LGR6: variants seen among roughly 807,000 people sequenced by gnomAD.
LGR6 encodes the protein leucine-rich repeat-containing G protein-coupled receptor 6.
A neutral mutation model predicts 69.4 loss-of-function variants in LGR6; 45 were observed. The ratio of observed to expected loss-of-function variants is 0.65; its 90% CI spans 0.51 to 0.83. The LOEUF is 0.83. Among genes scored for constraint, LGR6 ranks in the 40% least tolerant of loss-of-function variants. LGR6 has a pLI of 0.00. For missense variants in LGR6, 1,108 were observed against 1,246.7 expected, an observed-to-expected ratio of 0.89 and a Z score of 1.68; for synonymous variants, 538 against 555.0, an observed-to-expected ratio of 0.97 and a Z score of 0.43.
Position 202,317,905 on chromosome 1 carries a change from G to A in LGR6, c.1649-47G>A, listed in dbSNP as rs768606273. 1.3e-5 allele frequency: 20 copies of A among 1,529,142 alleles called. 1 individual carries two copies. In the South Asian group the frequency reaches 2.4e-4, roughly 18 times the overall value. The allele number at this position is 1,529,142 out of a possible 1,614,324, so 94.7% of individuals were successfully genotyped here. A position where few individuals can be genotyped will look rare whatever the true frequency, so the allele number is the denominator to read the frequency against. The stretch of plus-strand genomic sequence containing the variant: ...GGCTGACCTTGGTCCTGAAGACCTG[G>A]TCCCACCATCCTCTGGCCCAGGGTT... On this transcript the variant is annotated intron_variant, in intron 17 of 17. Coordinates refer to ENST00000367278, the MANE Select transcript of LGR6 (RefSeq NM_001017403.2).
chr1:202,242,274 C>G (rs1387330139), intron 4 of LGR6, among the ~76,000 whole-genome samples: 1 of 152,188 alleles, frequency 6.6e-6, no homozygotes, highest in African/African-American at 2.4e-5. Flanking sequence ...TGTAACAGAG[C>G]TGGGACTTTA....
At chr1:202,294,202 G>A (rs182537499) in intron 6 of LGR6, among the ~76,000 whole-genome samples, 8 of 152,278 alleles carry the variant, frequency 5.3e-5, no homozygotes, top group Admixed American at 3.9e-4. Context: ...CCTGCTATGC[G>A]CCAGGATTGT....
chr1:202,312,446 T>C (rs1653817551), intron 16 of LGR6, among the ~76,000 whole-genome samples: 1 of 152,214 alleles, frequency 6.6e-6, no homozygotes, highest in Admixed American at 6.5e-5. Flanking sequence ...CGACCTGCCC[T>C]GATGGTGTCT....
At chr1:202,232,481 C>A (rs1029764026) in intron 3 of LGR6, among the ~76,000 whole-genome samples, 1 of 152,068 alleles carries the variant, frequency 6.6e-6, no homozygotes, top group South Asian at 2.1e-4. Flanking sequence ...AGACTTTGCC[C>A]CAGAGATTTA....
chr1:202,273,363 C>T (rs1665264675), intron 4 of LGR6, among the ~76,000 whole-genome samples: 1 of 152,088 alleles, frequency 6.6e-6, no homozygotes, highest in Admixed American at 6.5e-5. Context: ...AAGGCAGTAG[C>T]AGAGAGCAAG....
At chr1:202,259,024 G>T (rs1339104234) in intron 4 of LGR6, among the ~76,000 whole-genome samples, 4 of 151,566 alleles carry the variant, frequency 2.6e-5, no homozygotes, top group Non-Finnish European at 5.9e-5. Context: ...TTGCTGAGTG[G>T]TTTTTTTAGT....
intron 6 of LGR6, among the ~76,000 whole-genome samples, chr1:202,296,877 A>C (rs1667197269): frequency 6.6e-6 from 1 of 152,208 alleles, no homozygotes; most frequent in Admixed American, 6.5e-5. Flanking sequence ...ATTTATCAGG[A>C]TGCTTGTTTT....
chr1:202,303,326 G>T lies in LGR6; in HGVS notation c.977G>T (p.Gly326Val), dbSNP rs146490901. 1 of 1,613,784 alleles carries T rather than the reference G, an allele frequency of 6.2e-7. No homozygotes were observed. Among genetic ancestry groups the T allele is most frequent in the South Asian group, 1.1e-5 (1 of 91,070 alleles). ...MDIQEFPDLK[G>V]TTSLEILTLT... is the part of the protein sequence containing the mutation. ...ATCCAGGAGTTTCCAGATCTCAAAG[G>T]CACCACCAGCCTGGAGATCCTGTGA... Residue 326 changes from glycine to valine, a missense_variant, in exon 10 of 18, where the codon GGC becomes GTC. By Grantham distance (109) the Gly-to-Val change is moderately radical. Transcript: ENST00000367278.
At chr1:202,303,445 C>T in intron 10 of LGR6, 98 bp downstream of exon 10, 1 of 947,048 alleles carries the variant, frequency 1.1e-6, no homozygotes, top group South Asian at 1.3e-5. Flanking sequence ...AGGTTCCTTG[C>T]TTCCCTTTTA....
chr1:202,315,799 T>TG (rs1215569768), intron 17 of LGR6, among the ~76,000 whole-genome samples: 9 of 152,174 alleles, frequency 5.9e-5, no homozygotes, highest in Non-Finnish European at 1.5e-5. Flanking sequence ...AGTGCCAGCT[T>TG]GGGGCCAGAG....
chr1:202,194,465 G>A (rs1571797535), intron 1 of LGR6: 1 of 620,994 alleles, frequency 1.6e-6, no homozygotes, highest in East Asian at 3.1e-5. Context: ...GGGAGCCCAG[G>A]CTTGGCGAGG....
At chr1:202,248,630 GT>G (rs1662960072) in intron 4 of LGR6, among the ~76,000 whole-genome samples, 1 of 152,204 alleles carries the variant, frequency 6.6e-6, no homozygotes, top group South Asian at 2.1e-4. Context: ...GGCCCATGGT[GT>G]TTGGGGGGAT....
At chr1:202,247,282 C>T (rs568348653) in intron 4 of LGR6, among the ~76,000 whole-genome samples, 15 of 152,244 alleles carry the variant, frequency 9.9e-5, no homozygotes, top group Non-Finnish European at 1.9e-4. Flanking sequence ...GACCTGCTCA[C>T]GCAGATTCTG....
intron 6 of LGR6, among the ~76,000 whole-genome samples, chr1:202,296,050 T>C (rs1477319216): frequency 1.3e-5 from 2 of 152,130 alleles, no homozygotes; most frequent in African/African-American, 4.8e-5. Context: ...TATCTCCATG[T>C]TAACATGGTA....
At chr1:202,198,016 C>T (rs1658705021) in intron 1 of LGR6, among the ~76,000 whole-genome samples, 1 of 152,244 alleles carries the variant, frequency 6.6e-6, no homozygotes, top group Non-Finnish European at 1.5e-5. Context: ...GGGGCCGCTA[C>T]ACCAAGCAAC....
intron 4 of LGR6, among the ~76,000 whole-genome samples, chr1:202,270,117 G>A (rs1416777775): frequency 6.6e-6 from 1 of 152,156 alleles, no homozygotes; most frequent in Non-Finnish European, 1.5e-5. Flanking sequence ...ATAGAGATAT[G>A]CTTCTTGCAT....
intron 4 of LGR6, among the ~76,000 whole-genome samples, chr1:202,254,090 C>G (rs1663546421): frequency 6.6e-6 from 1 of 152,056 alleles, no homozygotes; most frequent in Non-Finnish European, 1.5e-5. Flanking sequence ...CAGGCGTGAG[C>G]CACCGCGCCC....
intron 4 of LGR6, among the ~76,000 whole-genome samples, chr1:202,274,442 G>A (rs1665372152): frequency 6.6e-6 from 1 of 152,156 alleles, no homozygotes; most frequent in African/African-American, 2.4e-5. Flanking sequence ...GACCAGCTGA[G>A]CACTAACCAC....
At position 202,285,938 on chromosome 1, in the gene LGR6, T is replaced by C. The variant is rs371377733; in HGVS notation, c.716+5086T>C. Among the ~76,000 whole-genome samples the C allele has an allele frequency of 5.3e-5, 8 of 152,356 alleles. No individual in the cohort carries two copies. In the South Asian group the frequency reaches 1.0e-3, roughly 20 times the overall value. Reference sequence around the variant, plus strand: ...TATTCCATGCCTCTCACCTCACTTCTGGTGTCTGGTGGCAATCCTTGACTT... The same window carrying C: ...TATTCCATGCCTCTCACCTCACTTCCGGTGTCTGGTGGCAATCCTTGACTT... On this transcript the variant is annotated intron_variant, in intron 6 of 17. Transcript: ENST00000367278.
Sources: gnomAD v4.1 joint callset for allele counts (sites outside exome capture counted in the v4.1 genomes callset) on GRCh38, gnomAD v4.1.1 for gene constraint, MANE v1.5 for transcripts, NCBI Gene and HGNC (gene_info 2026-07-23, HGNC 2026-07-21) for gene names.